EDA: variants seen among roughly 807,000 people sequenced by gnomAD.
EDA encodes ectodysplasin A.
In EDA, 2 loss-of-function variants were observed where a neutral mutation model predicts 23.6. That is an observed-to-expected ratio of 0.08 (90% CI 0.03 to 0.27). The LOEUF (loss-of-function observed/expected upper bound fraction) is 0.27. Among genes scored for constraint, EDA ranks in the 10% least tolerant of loss-of-function variants. The pLI is 1.00. For missense variants in EDA, 229 were observed against 324.2 expected, an observed-to-expected ratio of 0.71 and a Z score of 2.26; for synonymous variants, 131 against 132.0, an observed-to-expected ratio of 0.99 and a Z score of 0.05.
At chrX:69,751,683 G>T (rs767385792) in intron 1 of EDA, among the ~76,000 whole-genome samples, 1,654 of 111,677 alleles carry the variant, frequency 0.015, 24 homozygotes, top group African/African-American at 0.053. Context: ...CCATTTGTTT[G>T]TATCCTCTTT....
rs11398276 is a variant in EDA, at chrX:69,884,076, A to AT, written c.397-72944dup. On this transcript the variant is annotated intron_variant, in intron 1 of 7. Transcript: ENST00000374552. ...AAGACCCTATCTCAAAAAAAAAAGA[A>AT]TTTTTTTCTAACTACTACTGAAAGT... Among the ~76,000 whole-genome samples the AT allele has an allele frequency of 3.3e-3, 371 of 111,481 alleles. 2 individuals carry two copies. Among genetic ancestry groups the AT allele is most frequent in the African/African-American group, 0.011 (349 of 30,661 alleles).
intron 1 of EDA, among the ~76,000 whole-genome samples, chrX:69,915,715 T>C (rs1466366303): frequency 9.0e-6 from 1 of 111,657 alleles, no homozygotes; most frequent in Admixed American, 9.5e-5. Context: ...GACATAGTCC[T>C]TGCCTTCCTA....
At chrX:69,826,144 G>A (rs1397526923) in intron 1 of EDA, among the ~76,000 whole-genome samples, 2 of 111,661 alleles carry the variant, frequency 1.8e-5, no homozygotes, top group Admixed American at 1.9e-4. Flanking sequence ...TGGAATAGGT[G>A]TGATGTGGTG....
chrX:69,645,476 T>C (rs1602247243), intron 1 of EDA, among the ~76,000 whole-genome samples: 1 of 102,481 alleles, frequency 9.8e-6, no homozygotes, highest in Admixed American at 1.1e-4. Flanking sequence ...GTTTAGAGTG[T>C]TTCAAGGTTT....
intron 1 of EDA, among the ~76,000 whole-genome samples, chrX:69,679,530 C>A (rs771755308): frequency 1.1e-4 from 12 of 111,324 alleles, no homozygotes; most frequent in African/African-American, 3.6e-4. Context: ...GATTCAACAT[C>A]TTCCTTGTTT....
At chrX:69,802,287 A>G (rs2015709833) in intron 1 of EDA, among the ~76,000 whole-genome samples, 1 of 109,737 alleles carries the variant, frequency 9.1e-6, no homozygotes, top group African/African-American at 3.3e-5. Context: ...AACAGTTTAT[A>G]TAAAGTTTTA....
At chrX:69,674,518 A>G (rs923023453) in intron 1 of EDA, among the ~76,000 whole-genome samples, 1 of 112,344 alleles carries the variant, frequency 8.9e-6, no homozygotes, top group Non-Finnish European at 1.9e-5. Flanking sequence ...ATTACCAACA[A>G]CAATGTAATG....
chrX:69,641,636 G>T (rs1932839977), intron 1 of EDA, among the ~76,000 whole-genome samples: 1 of 112,005 alleles, frequency 8.9e-6, no homozygotes, highest in African/African-American at 3.2e-5. Context: ...AATGCAGTTG[G>T]TTCATCAAAG....
At chrX:69,641,004 G>A (rs900331789) in intron 1 of EDA, among the ~76,000 whole-genome samples, 1 of 111,711 alleles carries the variant, frequency 9.0e-6, no homozygotes, top group African/African-American at 3.2e-5. Flanking sequence ...AATTTATCTT[G>A]ACTCCAAAGC....
chrX:69,820,753 T>C (rs2016199690), intron 1 of EDA, among the ~76,000 whole-genome samples: 1 of 111,729 alleles, frequency 9.0e-6, no homozygotes, highest in African/African-American at 3.3e-5. Flanking sequence ...CTGGCTAGGT[T>C]GTGGAGAAAA....
chrX:70,000,537 T>A (rs1326101908), intron 2 of EDA, among the ~76,000 whole-genome samples: 1 of 112,515 alleles, frequency 8.9e-6, no homozygotes, highest in Non-Finnish European at 1.9e-5. Context: ...TGTCTTGGGA[T>A]AATTATTGTG....
At chrX:69,733,040 C>T (rs750115376) in intron 1 of EDA, among the ~76,000 whole-genome samples, 30 of 108,371 alleles carry the variant, frequency 2.8e-4, no homozygotes, top group Non-Finnish European at 5.6e-4. Context: ...TTTTCTCCCA[C>T]TCTGTAGGTT....
intron 6 of EDA, 115 bp downstream of exon 6, chrX:70,030,635 A>G: frequency 1.4e-6 from 1 of 696,303 alleles, no homozygotes; most frequent in Non-Finnish European, 2.2e-6. Context: ...CCGTTGGCAT[A>G]CGAAGTCATT....
At chrX:69,777,290 G>A (rs1362049674) in intron 1 of EDA, among the ~76,000 whole-genome samples, 1 of 110,423 alleles carries the variant, frequency 9.1e-6, no homozygotes, top group African/African-American at 3.3e-5. Context: ...TTTGTTGGCA[G>A]TTCCTCAGCC....
intron 6 of EDA, 64 bp downstream of exon 6, chrX:70,030,584 A>C: frequency 9.8e-7 from 1 of 1,017,400 alleles, no homozygotes; most frequent in South Asian, 2.0e-5. Context: ...CCCAGCCTCC[A>C]AATAATCACC....
At chrX:69,888,339 A>C (rs2017860327) in intron 1 of EDA, among the ~76,000 whole-genome samples, 1 of 110,770 alleles carries the variant, frequency 9.0e-6, no homozygotes, top group Non-Finnish European at 1.9e-5. Context: ...CCACCATAGA[A>C]AATCATCATA....
intron 1 of EDA, among the ~76,000 whole-genome samples, chrX:69,918,329 G>A (rs770492049): frequency 9.1e-6 from 1 of 109,370 alleles, no homozygotes; most frequent in Non-Finnish European, 1.9e-5. Flanking sequence ...GCTAATTTTT[G>A]TATTTTCAGT....
chrX:69,997,977 A>G (rs1263571030), intron 2 of EDA, among the ~76,000 whole-genome samples: 1 of 112,543 alleles, frequency 8.9e-6, no homozygotes, highest in Non-Finnish European at 1.9e-5. Flanking sequence ...CAGGATCCTC[A>G]TGGAGAACCT....
chrX:69,867,235 C>T (rs1211800444), intron 1 of EDA, among the ~76,000 whole-genome samples: 1 of 111,945 alleles, frequency 8.9e-6, no homozygotes, highest in African/African-American at 3.2e-5. Flanking sequence ...TTCATGGGCC[C>T]ATTGGGTGAT....
Sources: gnomAD v4.1 joint callset for allele counts (sites outside exome capture counted in the v4.1 genomes callset) on GRCh38, gnomAD v4.1.1 for gene constraint, MANE v1.5 for transcripts, NCBI Gene and HGNC (gene_info 2026-07-23, HGNC 2026-07-21) for gene names.